The following MYO3B variants were observed in gnomAD, a reference collection of about 807,000 sequenced individuals.
MYO3B encodes myosin IIIB.
MYO3B carries 156 observed loss-of-function variants against 174.6 expected under a neutral mutation model. The ratio of observed to expected loss-of-function variants is 0.89; its 90% CI spans 0.78 to 1.02. MYO3B has a LOEUF of 1.02. Ranked by LOEUF, MYO3B falls within the 50% of genes least tolerant of loss-of-function variation. The pLI is 0.00. For synonymous variants in MYO3B, 563 were observed against 569.1 expected (o/e 0.99, Z 0.15); for missense variants, 1,632 against 1,639.4 (o/e 1.00, Z 0.08).
Position 170,654,796 on chromosome 2 carries a change from GTATT to G in MYO3B, c.*1678_*1681del, listed in dbSNP as rs1216882970. 6.7e-6 allele frequency: 1 copy of G among 150,328 alleles called. No homozygotes were observed. Among genetic ancestry groups the G allele is most frequent in the South Asian group, 2.1e-4 (1 of 4,744 alleles). The allele number at this position is 150,328 out of a possible 1,614,324, so 9.3% of individuals were successfully genotyped here. ...TTATGAAGATAAATAATGAAATGAG[GTATT>G]TAAAGATCTCAGAAATTGTAATTTT... On this transcript the variant is annotated 3_prime_UTR_variant, in exon 35 of 35. Transcript: ENST00000408978.
At chr2:170,181,740 C>T (rs920710413) in intron 1 of MYO3B, among the ~76,000 whole-genome samples, 2 of 152,028 alleles carry the variant, frequency 1.3e-5, no homozygotes, top group Non-Finnish European at 2.9e-5. Flanking sequence ...TCTAAGTGTG[C>T]TTTTTTTGAT....
At chr2:170,462,465 C>T (rs1274644123) in intron 23 of MYO3B, among the ~76,000 whole-genome samples, 3 of 152,248 alleles carry the variant, frequency 2.0e-5, no homozygotes, top group African/African-American at 7.2e-5. Flanking sequence ...TCCTAACTCT[C>T]ACCCCTTTTA....
chr2:170,398,522 C>T (rs766794328), intron 16 of MYO3B, among the ~76,000 whole-genome samples: 13 of 152,116 alleles, frequency 8.5e-5, no homozygotes, highest in Non-Finnish European at 1.6e-4. Context: ...CCCAAAAGTT[C>T]GAACTCTCTA....
intron 22 of MYO3B, among the ~76,000 whole-genome samples, chr2:170,442,790 A>T (rs550451650): frequency 6.7e-4 from 102 of 152,254 alleles, no homozygotes; most frequent in Non-Finnish European, 1.1e-3. Context: ...GCTCAGAATG[A>T]TGGTTTCCAG....
intron 30 of MYO3B, among the ~76,000 whole-genome samples, chr2:170,541,016 C>T (rs1166535622): frequency 6.6e-6 from 1 of 152,136 alleles, no homozygotes; most frequent in Admixed American, 6.5e-5. Context: ...TTTTCTTAAA[C>T]ACACACAAAC....
At chr2:170,389,495 T>A (rs892509206) in intron 14 of MYO3B, among the ~76,000 whole-genome samples, 5 of 152,206 alleles carry the variant, frequency 3.3e-5, no homozygotes, top group Non-Finnish European at 5.9e-5. Context: ...TGGGGGTGTT[T>A]ATTATCATAA....
chr2:170,214,487 A>T lies in MYO3B; in HGVS notation c.426+4A>T. 2 of 1,613,268 alleles carry T rather than the reference A, an allele frequency of 1.2e-6. No individual in the cohort carries two copies. Among genetic ancestry groups the T allele is most frequent in the Non-Finnish European group, 1.7e-6 (2 of 1,179,228 alleles). ...CATCTTGTACGGGGCCCTCTTGGTA[A>T]GAACATCTATCAAATGGGGTATGAC... On this transcript the variant is annotated splice_donor_region_variant and intron_variant, in intron 4 of 34. Transcript: ENST00000408978.
intron 3 of MYO3B, among the ~76,000 whole-genome samples, chr2:170,204,309 A>C (rs1015446063): frequency 6.6e-6 from 1 of 152,214 alleles, no homozygotes; most frequent in African/African-American, 2.4e-5. Flanking sequence ...TGTAGAACCC[A>C]ACACCCTTAA....
At chr2:170,564,434 C>G (rs894281591) in intron 32 of MYO3B, among the ~76,000 whole-genome samples, 15 of 152,182 alleles carry the variant, frequency 9.9e-5, no homozygotes, top group African/African-American at 3.6e-4. Context: ...GATCGCACCA[C>G]TGCACTCCAG....
At chr2:170,603,956 A>AT (rs1005000290) in intron 32 of MYO3B, among the ~76,000 whole-genome samples, 5 of 152,252 alleles carry the variant, frequency 3.3e-5, no homozygotes, top group South Asian at 4.1e-4. Context: ...TAGATACACA[A>AT]TTTTTTACCA....
At chr2:170,636,864 T>G (rs1697527898) in intron 32 of MYO3B, among the ~76,000 whole-genome samples, 2 of 148,190 alleles carry the variant, frequency 1.3e-5, no homozygotes, top group Admixed American at 6.9e-5. Flanking sequence ...ATGAGCCTCC[T>G]GGAATATGTT....
Position 170,514,975 on chromosome 2 carries a change from G to C in MYO3B, c.3425G>C (p.Arg1142Thr). The C allele has an allele frequency of 1.2e-6, 2 of 1,614,092 alleles. No individual in the cohort carries two copies. The highest frequency in any genetic ancestry group is 1.7e-6 in the Non-Finnish European group (2 of 1,179,964). The change falls in exon 29 of 35, where the codon AGG becomes ACG. Residue 1142 changes from arginine (R) to threonine (T), a missense_variant. Arg to Thr is a moderately conservative substitution (Grantham distance 71). Coordinates refer to ENST00000408978, the MANE Select transcript of MYO3B (RefSeq NM_138995.5). The stretch of plus-strand genomic sequence containing the variant: ...CATTCCCCCGTCGCAGCAGGTACGA[G>C]GGGAAGTGCCGAGGTTCAAGACTGC... The part of the protein sequence containing the change: ...GPHSPVAAGT[R>T]GSAEVQDCSE...
chr2:170,562,113 A>G lies in MYO3B; in HGVS notation c.3733+18125A>G, dbSNP rs537622100. On this transcript the variant is annotated intron_variant, in intron 32 of 34. Transcript: ENST00000408978. ...GAAGGAGAATTATTAGTGGAATTCT[A>G]AAGTTAGAACATGAAGATTGGGATA... 2.4e-4 allele frequency among the ~76,000 whole-genome samples: 37 copies of G among 152,348 alleles called. 1 individual carries two copies. The South Asian group carries it at 6.6e-3, about 27-fold the overall frequency.
chr2:170,418,020 C>T (rs904501044), intron 22 of MYO3B, among the ~76,000 whole-genome samples: 1 of 152,190 alleles, frequency 6.6e-6, no homozygotes, highest in African/African-American at 2.4e-5. Flanking sequence ...GTGGGGCTGC[C>T]AAGCCCTAGG....
chr2:170,489,394 C>A (rs1235548572), intron 25 of MYO3B, among the ~76,000 whole-genome samples: 2 of 152,080 alleles, frequency 1.3e-5, no homozygotes, highest in Non-Finnish European at 2.9e-5. Flanking sequence ...TGTCCTAGAT[C>A]CCCAGTGTGC....
rs556029808 is a variant in MYO3B at position 170,382,054 on chromosome 2, A to G, written c.1010A>G (p.Glu337Gly). ...RMHTRRPYHV[E>G]DAEKYCLEDD... ...CATACCAGAAGACCTTATCATGTGGAAGATGCTGAAAAATACTGCCTTGAG... is the reference window on the plus strand; with the variant it reads ...CATACCAGAAGACCTTATCATGTGGGAGATGCTGAAAAATACTGCCTTGAG... Residue 337 changes from glutamate to glycine, a missense_variant, in exon 10 of 35, where the codon GAA becomes GGA. Coordinates refer to ENST00000408978, the MANE Select transcript of MYO3B (RefSeq NM_138995.5). The G allele has an allele frequency of 1.2e-6, 2 of 1,613,710 alleles. No homozygotes were observed. Among genetic ancestry groups the G allele is most frequent in the South Asian group, 2.2e-5 (2 of 91,024 alleles).
chr2:170,608,817 A>G (rs1342883053), intron 32 of MYO3B, among the ~76,000 whole-genome samples: 1 of 152,152 alleles, frequency 6.6e-6, no homozygotes, highest in Non-Finnish European at 1.5e-5. Flanking sequence ...GGCCCACAAT[A>G]TAAAGTTAAT....
intron 7 of MYO3B, among the ~76,000 whole-genome samples, chr2:170,272,204 C>T (rs1240316863): frequency 2.6e-5 from 4 of 151,912 alleles, no homozygotes; most frequent in Non-Finnish European, 4.4e-5. Context: ...ATTCACAGGC[C>T]CTAGCCTAGA....
intron 7 of MYO3B, among the ~76,000 whole-genome samples, chr2:170,318,349 C>G (rs2093790370): frequency 6.6e-6 from 1 of 152,184 alleles, no homozygotes; most frequent in African/African-American, 2.4e-5. Context: ...TTCTCTTTTA[C>G]TACTTTCTAA....
Sources: allele counts gnomAD v4.1 joint callset (sites outside exome capture counted in the v4.1 genomes callset), GRCh38; gene constraint gnomAD v4.1.1; transcripts MANE v1.5; gene names NCBI Gene and HGNC (gene_info 2026-07-23, HGNC 2026-07-21).